ADAM22: variants seen among roughly 807,000 people sequenced by gnomAD.
The protein encoded by ADAM22 is ADAM metallopeptidase domain 22, also known as disintegrin and metalloproteinase domain-containing protein 22.
Under a neutral mutation model 144.6 loss-of-function variants are expected in ADAM22, and 65 were observed. The ratio of observed to expected loss-of-function variants is 0.45; its 90% CI spans 0.37 to 0.55. The LOEUF (loss-of-function observed/expected upper bound fraction) is 0.55, where lower values mean the gene tolerates loss of function less well. Among genes scored for constraint, ADAM22 ranks in the 20% least tolerant of loss-of-function variants. ADAM22 has a pLI of 0.00. For synonymous variants in ADAM22, 391 were observed against 412.6 expected (o/e 0.95, Z 0.63); for missense variants, 974 against 1,184.9 (o/e 0.82, Z 2.61).
intron 3 of ADAM22, among the ~76,000 whole-genome samples, chr7:88,052,345 A>C (rs1468377269): frequency 6.0e-5 from 9 of 150,754 alleles, no homozygotes; most frequent in African/African-American, 2.2e-4. Context: ...AAAATGCAAA[A>C]AAAAAAAAAA....
chr7:88,092,824 C>G (rs1207727142), intron 4 of ADAM22, among the ~76,000 whole-genome samples: 8 of 152,162 alleles, frequency 5.3e-5, no homozygotes, highest in African/African-American at 1.9e-4. Flanking sequence ...TTATACAGGT[C>G]AGGTGTCTTA....
chr7:88,121,237 C>T (rs1182662940), intron 7 of ADAM22, among the ~76,000 whole-genome samples: 1 of 152,030 alleles, frequency 6.6e-6, no homozygotes, highest in Non-Finnish European at 1.5e-5. Flanking sequence ...TCACATTTCC[C>T]TACAGATTTT....
intron 3 of ADAM22, among the ~76,000 whole-genome samples, chr7:87,987,402 C>T (rs1293406693): frequency 1.3e-5 from 2 of 152,124 alleles, no homozygotes; most frequent in African/African-American, 2.4e-5. Context: ...TGGTCTCGAA[C>T]TCCTGACCTC....
intron 3 of ADAM22, among the ~76,000 whole-genome samples, chr7:88,063,004 A>G (rs1023544313): frequency 6.6e-6 from 1 of 152,218 alleles, no homozygotes; most frequent in South Asian, 2.1e-4. Flanking sequence ...ACAGATCACC[A>G]TAACAGGTAA....
intron 3 of ADAM22, among the ~76,000 whole-genome samples, chr7:87,993,450 G>A (rs1169009763): frequency 6.6e-6 from 1 of 152,076 alleles, no homozygotes; most frequent in African/African-American, 2.4e-5. Context: ...TCAATTAGAG[G>A]TATTGAATGT....
At chr7:88,005,129 CA>C (rs2129457894) in intron 3 of ADAM22, among the ~76,000 whole-genome samples, 1 of 152,178 alleles carries the variant, frequency 6.6e-6, no homozygotes, top group African/African-American at 2.4e-5. Context: ...ACCCTATCTC[CA>C]AACAAAACAC....
At chr7:88,008,671 G>C (rs1378194826) in intron 3 of ADAM22, among the ~76,000 whole-genome samples, 1 of 151,590 alleles carries the variant, frequency 6.6e-6, no homozygotes, top group Non-Finnish European at 1.5e-5. Flanking sequence ...AACACCACAT[G>C]TTCTCACTCA....
chr7:88,158,502 C>T (rs899325185), intron 22 of ADAM22, among the ~76,000 whole-genome samples: 3 of 151,988 alleles, frequency 2.0e-5, no homozygotes, highest in African/African-American at 4.8e-5. Context: ...CACAATTGGA[C>T]ATAAAACAAT....
chr7:88,061,357 G>A (rs989328010), intron 3 of ADAM22, among the ~76,000 whole-genome samples: 1 of 152,086 alleles, frequency 6.6e-6, no homozygotes, highest in Non-Finnish European at 1.5e-5. Flanking sequence ...ATGGGGCGAA[G>A]GTTTTCAATT....
chr7:88,010,332 C>T (rs978447323), intron 3 of ADAM22, among the ~76,000 whole-genome samples: 7 of 152,096 alleles, frequency 4.6e-5, no homozygotes, highest in Non-Finnish European at 8.8e-5. Context: ...GATGGACACC[C>T]GCTTTTAACT....
In ADAM22 at chr7:87,935,061, GA is replaced by G; in HGVS notation, c.125del (p.Asn42ThrfsTer42). 2 of 1,614,196 alleles carry G rather than the reference GA, an allele frequency of 1.2e-6. No individual in the cohort carries two copies. The highest frequency in any genetic ancestry group is 1.7e-6 in the Non-Finnish European group (2 of 1,180,042). On this transcript the variant is annotated frameshift_variant, in exon 2 of 32. Transcript: ENST00000413139. LOFTEE classifies it high-confidence loss of function. ...ATTGATGGAGCTAGAGAAGAGGAAG[GA>G]AAACCGCTTCGTGGAGCGCCAGAGC... Reference protein sequence around the residue: ...ASLMELEKRKENRFVERQSIV... With the variant: ...ASLMELEKRKXNRFVERQSIV...
chr7:88,155,911 G>T lies in ADAM22; in HGVS notation c.1812G>T (p.Leu604Phe). ...GGGATGTGCTTTGTGGTTACCTTTT[G>T]TGTACCAATATTGGCAATATCCCAA... is the stretch of plus-strand genomic sequence containing the variant. ...NKRDVLCGYL[L>F]CTNIGNIPRL... The change falls in exon 22 of 32, where the codon TTG becomes TTT. Residue 604 changes from leucine (L) to phenylalanine (F), a missense_variant. By Grantham distance (22) the Leu-to-Phe change is conservative (BLOSUM62 0). This residue lies in a region of ADAM22 where 734 missense variants were observed against 950.6 expected (regional missense o/e 0.77). Coordinates refer to ENST00000413139, the MANE Select transcript of ADAM22 (RefSeq NM_001324418.2). The T allele has an allele frequency of 6.2e-7, 1 of 1,613,356 alleles. No individual in the cohort carries two copies. Among genetic ancestry groups the T allele is most frequent in the Non-Finnish European group, 8.5e-7 (1 of 1,179,570 alleles).
intron 3 of ADAM22, among the ~76,000 whole-genome samples, chr7:88,004,302 C>T (rs1440882946): frequency 2.0e-5 from 3 of 152,202 alleles, no homozygotes; most frequent in African/African-American, 7.2e-5. Context: ...CTTCCTTGGT[C>T]ATTTGCTTTT....
chr7:88,052,506 A>C (rs1334234094), intron 3 of ADAM22, among the ~76,000 whole-genome samples: 1 of 152,108 alleles, frequency 6.6e-6, no homozygotes, highest in South Asian at 2.1e-4. Flanking sequence ...TCTGAAAAAA[A>C]AAAAAGTTCC....
chr7:88,177,187 T>C (rs1386838502), intron 26 of ADAM22, among the ~76,000 whole-genome samples: 1 of 152,192 alleles, frequency 6.6e-6, no homozygotes, highest in African/African-American at 2.4e-5. Context: ...AATGTGTTCA[T>C]GGGATTCTTT....
chr7:87,954,179 T>G (rs1248285310), intron 2 of ADAM22, among the ~76,000 whole-genome samples: 67 of 152,154 alleles, frequency 4.4e-4, no homozygotes, highest in African/African-American at 1.4e-3. Context: ...ATTTGATCCT[T>G]TTATTATGAT....
intron 3 of ADAM22, among the ~76,000 whole-genome samples, chr7:88,001,473 G>C (rs762418764): frequency 1.3e-5 from 2 of 152,076 alleles, no homozygotes; most frequent in Non-Finnish European, 2.9e-5. Flanking sequence ...TAAGCTTTTG[G>C]CCAAGACAGT....
intron 3 of ADAM22, among the ~76,000 whole-genome samples, chr7:88,013,100 A>C (rs1327229270): frequency 6.6e-6 from 1 of 152,184 alleles, no homozygotes; most frequent in Non-Finnish European, 1.5e-5. Context: ...TCTCATGCTT[A>C]TGTTAGTCCA....
chr7:87,942,541 A>G lies in ADAM22; in HGVS notation c.246+7355A>G, dbSNP rs1408346285. Among the ~76,000 whole-genome samples, 8 of 152,214 alleles carry G rather than the reference A, an allele frequency of 5.3e-5. No individual in the cohort carries two copies. The East Asian group carries it at 1.5e-3, about 29-fold the overall frequency. ...GAGTCAGATTTCTTACATTTACCCC[A>G]TTGGAACTATATATGACTTTTAGTG... On this transcript the variant is annotated intron_variant, in intron 2 of 31. Transcript: ENST00000413139.
Sources: allele counts gnomAD v4.1 joint callset (sites outside exome capture counted in the v4.1 genomes callset), GRCh38; gene constraint gnomAD v4.1.1; regional missense constraint gnomAD v4.1.1; transcripts MANE v1.5; gene names NCBI Gene and HGNC (gene_info 2026-07-23, HGNC 2026-07-21).